The following CDH13 variants were observed in gnomAD, a reference collection of about 807,000 sequenced individuals.
CDH13 encodes the protein cadherin-13.
CDH13 carries 24 observed loss-of-function variants against 63.8 expected under a neutral mutation model. The ratio of observed to expected loss-of-function variants is 0.38; its 90% CI spans 0.27 to 0.53. The LOEUF is 0.53. CDH13 is among the 20% of genes least tolerant of loss of function. The pLI is 0.85. For synonymous variants in CDH13, 503 were observed against 355.3 expected, an observed-to-expected ratio of 1.42 and a Z score of -4.67; for missense variants, 1,049 against 903.1, an observed-to-expected ratio of 1.16 and a Z score of -2.07.
intron 1 of CDH13, among the ~76,000 whole-genome samples, chr16:82,753,432 C>G (rs531056198): frequency 6.6e-6 from 1 of 152,132 alleles, no homozygotes; most frequent in Non-Finnish European, 1.5e-5. Flanking sequence ...CACCATTTAT[C>G]CTCTCTATAA....
intron 1 of CDH13, among the ~76,000 whole-genome samples, chr16:82,783,305 G>C (rs1417849907): frequency 2.0e-5 from 3 of 152,224 alleles, no homozygotes; most frequent in East Asian, 3.9e-4. Context: ...GCAGGGAGGG[G>C]AGGGGTCCCT....
chr16:83,464,449 T>C (rs1192547865), intron 6 of CDH13, among the ~76,000 whole-genome samples: 3 of 152,150 alleles, frequency 2.0e-5, no homozygotes, highest in Non-Finnish European at 2.9e-5. Context: ...GAGGTGGAGG[T>C]TGCAGTGAGC....
At chr16:83,651,197 G>T (rs572749131) in intron 8 of CDH13, among the ~76,000 whole-genome samples, 4 of 152,268 alleles carry the variant, frequency 2.6e-5, no homozygotes, top group African/African-American at 9.6e-5. Flanking sequence ...CTTTCTATTG[G>T]TAGGAATATT....
chr16:83,549,461 C>T (rs887363396), intron 7 of CDH13, among the ~76,000 whole-genome samples: 1 of 152,122 alleles, frequency 6.6e-6, no homozygotes, highest in Non-Finnish European at 1.5e-5. Flanking sequence ...GGATGTGAGC[C>T]TCAGGCTGCC....
At position 83,347,547 on chromosome 16, in the gene CDH13, A is replaced by C. The variant is rs113499519; in HGVS notation, c.781+2541A>C. Among the ~76,000 whole-genome samples, 537 of 152,288 alleles carry C rather than the reference A, an allele frequency of 3.5e-3. 4 individuals carry two copies. Among genetic ancestry groups the C allele is most frequent in the African/African-American group, 0.012 (513 of 41,568 alleles). ...TATCATAGCACTGCGTCGAGTACTT[A>C]CTGTGTGCCAGCAGCCATATATGTA... On this transcript the variant is annotated intron_variant, in intron 6 of 13. Coordinates refer to ENST00000567109, the MANE Select transcript of CDH13 (RefSeq NM_001257.5).
At chr16:83,009,652 T>A (rs1055824061) in intron 2 of CDH13, among the ~76,000 whole-genome samples, 1 of 152,228 alleles carries the variant, frequency 6.6e-6, no homozygotes, top group African/African-American at 2.4e-5. Context: ...GCTGTTCTTT[T>A]TAAAAAATTG....
chr16:82,826,629 G>C (rs2038268287), intron 1 of CDH13: 7 of 152,128 alleles, frequency 4.6e-5, no homozygotes, highest in Admixed American at 4.6e-4. Context: ...GCACTTACGG[G>C]GGGAAAAGGC....
intron 8 of CDH13, among the ~76,000 whole-genome samples, chr16:83,629,398 G>C (rs1459402079): frequency 6.6e-6 from 1 of 152,094 alleles, no homozygotes; most frequent in Non-Finnish European, 1.5e-5. Context: ...TTTTATAAAT[G>C]AATTTTCCCT....
At chr16:83,659,186 G>C (rs71402101) in intron 8 of CDH13, among the ~76,000 whole-genome samples, 899 of 35,376 alleles carry the variant, frequency 0.025, no homozygotes, top group Middle Eastern at 0.045. Flanking sequence ...TCCTCACCAG[G>C]AAGGTCCCAT....
At chr16:83,706,794 G>T (rs569234160) in intron 10 of CDH13, among the ~76,000 whole-genome samples, 1 of 152,130 alleles carries the variant, frequency 6.6e-6, no homozygotes, top group Admixed American at 6.5e-5. Flanking sequence ...TAGGTTCCTG[G>T]GATGAATGGA....
At chr16:82,730,482 G>A (rs1252798890) in intron 1 of CDH13, among the ~76,000 whole-genome samples, 18 of 152,174 alleles carry the variant, frequency 1.2e-4, no homozygotes, top group Non-Finnish European at 2.2e-4. Flanking sequence ...TACCTATTAC[G>A]TTAGCCTTCT....
At chr16:82,721,126 C>T (rs79744669) in intron 1 of CDH13, among the ~76,000 whole-genome samples, 32 of 152,322 alleles carry the variant, frequency 2.1e-4, no homozygotes, top group African/African-American at 7.2e-4. Flanking sequence ...TCATTCCTCT[C>T]CTTGATTTAA....
intron 6 of CDH13, among the ~76,000 whole-genome samples, chr16:83,363,699 C>A (rs180990490): frequency 4.3e-4 from 66 of 152,306 alleles, no homozygotes; most frequent in African/African-American, 1.3e-3. Flanking sequence ...CTGTTATGAG[C>A]AGGATGTTCC....
chr16:83,093,411 C>T (rs1181781806), intron 3 of CDH13, among the ~76,000 whole-genome samples: 3 of 138,960 alleles, frequency 2.2e-5, no homozygotes, highest in East Asian at 2.2e-4. Context: ...CTCCACCTCC[C>T]GGGTTCAAGC....
intron 7 of CDH13, among the ~76,000 whole-genome samples, chr16:83,528,960 A>G (rs1163251821): frequency 1.3e-5 from 2 of 152,198 alleles, no homozygotes; most frequent in Non-Finnish European, 2.9e-5. Context: ...CTAATGGGGT[A>G]GTTATATATA....
intron 1 of CDH13, among the ~76,000 whole-genome samples, chr16:82,711,087 G>T (rs932157481): frequency 1.3e-5 from 2 of 151,968 alleles, no homozygotes; most frequent in African/African-American, 4.8e-5. Flanking sequence ...CATTATGTCT[G>T]AATACCTCCT....
intron 3 of CDH13, among the ~76,000 whole-genome samples, chr16:83,040,635 C>T (rs186912665): frequency 6.6e-6 from 1 of 152,310 alleles, no homozygotes; most frequent in Non-Finnish European, 1.5e-5. Flanking sequence ...CCCACCCAGA[C>T]TGAGGGTGGG....
intron 3 of CDH13, among the ~76,000 whole-genome samples, chr16:83,066,822 C>A (rs961949312): frequency 1.3e-5 from 2 of 152,180 alleles, no homozygotes; most frequent in African/African-American, 2.4e-5. Flanking sequence ...CTCTACCCTT[C>A]ATGGAAGACC....
intron 6 of CDH13, among the ~76,000 whole-genome samples, chr16:83,358,524 T>C (rs973945899): frequency 3.9e-5 from 6 of 152,228 alleles, no homozygotes; most frequent in South Asian, 2.1e-4. Flanking sequence ...TTCTGTCTTA[T>C]GTAACTCAGT....
Sources: gnomAD v4.1 joint callset for allele counts (sites outside exome capture counted in the v4.1 genomes callset) on GRCh38, gnomAD v4.1.1 for gene constraint, MANE v1.5 for transcripts, NCBI Gene and HGNC (gene_info 2026-07-23, HGNC 2026-07-21) for gene names.